Variants in FARS2 observed in about 807,000 individuals in gnomAD.
The protein encoded by FARS2 is phenylalanine--tRNA ligase, mitochondrial.
Under a neutral mutation model 46.4 loss-of-function variants are expected in FARS2, and 40 were observed. The ratio of observed to expected loss-of-function variants is 0.86; its 90% CI spans 0.67 to 1.12. The LOEUF (loss-of-function observed/expected upper bound fraction) is 1.12. Among genes scored for constraint, FARS2 ranks in the 50% most tolerant of loss-of-function variants. The pLI is 0.00. For synonymous variants in FARS2, 234 were observed against 214.9 expected (o/e 1.09, Z -0.78); for missense variants, 513 against 567.9 (o/e 0.90, Z 0.98).
chr6:5,712,834 G>C (rs144906373), intron 6 of FARS2, among the ~76,000 whole-genome samples: 1 of 152,340 alleles, frequency 6.6e-6, no homozygotes, highest in East Asian at 1.9e-4. Context: ...TGGTCACACA[G>C]ACACAGTCAG....
At chr6:5,477,983 G>A (rs1766222458) in intron 4 of FARS2, among the ~76,000 whole-genome samples, 1 of 152,160 alleles carries the variant, frequency 6.6e-6, no homozygotes, top group Admixed American at 6.5e-5. Flanking sequence ...TTGCACCACT[G>A]AACTCCAGCC....
rs1405056432 is a variant in FARS2, at chr6:5,713,501, G to C, written c.1218-57790G>C. ...ACAAAAGGAATAGAGGTCTGGAGAC[G>C]TTGACGCTTAGGAAAATAAATTTAA... is the stretch of plus-strand genomic sequence containing the variant. On this transcript the variant is annotated intron_variant, in intron 6 of 6. Transcript: ENST00000274680. Among the ~76,000 whole-genome samples the C allele has an allele frequency of 2.6e-5, 4 of 152,344 alleles. No homozygotes were observed. The South Asian group carries it at 6.2e-4, about 24-fold the overall frequency.
At chr6:5,450,014 T>C (rs566488805) in intron 4 of FARS2, among the ~76,000 whole-genome samples, 88 of 152,342 alleles carry the variant, frequency 5.8e-4, no homozygotes, top group Middle Eastern at 6.8e-3. Flanking sequence ...GTTGGCCCTC[T>C]GTATACATGG....
intron 3 of FARS2, among the ~76,000 whole-genome samples, chr6:5,416,035 T>C (rs538809516): frequency 5.1e-4 from 78 of 152,340 alleles, no homozygotes; most frequent in Middle Eastern, 3.4e-3. Context: ...TTTTTGAAAC[T>C]GTGAATTTTG....
intron 5 of FARS2, among the ~76,000 whole-genome samples, chr6:5,597,159 T>G (rs1774249313): frequency 6.6e-6 from 1 of 152,232 alleles, no homozygotes; most frequent in South Asian, 2.1e-4. Flanking sequence ...TTCTCCCTAC[T>G]AAGTTTGGCA....
At chr6:5,360,102 G>C (rs1394809862) in intron 1 of FARS2, among the ~76,000 whole-genome samples, 2 of 152,214 alleles carry the variant, frequency 1.3e-5, no homozygotes, top group Non-Finnish European at 2.9e-5. Context: ...AAAAGGGTGT[G>C]AGATGCTCTC....
At chr6:5,482,609 C>T (rs568001756) in intron 4 of FARS2, among the ~76,000 whole-genome samples, 3 of 152,118 alleles carry the variant, frequency 2.0e-5, no homozygotes, top group Non-Finnish European at 1.5e-5. Context: ...GAAGGACACC[C>T]TTATCCCCAG....
chr6:5,703,526 C>T (rs1758566273), intron 6 of FARS2, among the ~76,000 whole-genome samples: 1 of 152,150 alleles, frequency 6.6e-6, no homozygotes, highest in African/African-American at 2.4e-5. Flanking sequence ...TACATTTTAT[C>T]CCACAACTCT....
In FARS2 at chr6:5,749,287, G is replaced by A. The variant is rs186716594; in HGVS notation, c.1218-22004G>A. Among the ~76,000 whole-genome samples, 436 of 152,348 alleles carry A rather than the reference G, an allele frequency of 2.9e-3. 3 individuals are homozygous for A. The highest frequency in any genetic ancestry group is 4.9e-3 in the Non-Finnish European group (336 of 68,026). On this transcript the variant is annotated intron_variant, in intron 6 of 6. Transcript: ENST00000274680. Reference sequence around the variant, plus strand: ...GACAACAGAGTGAGGAAGTGGCTGGGGACAGGCAGGCTGGCTAAGCATTTT... The same window carrying A: ...GACAACAGAGTGAGGAAGTGGCTGGAGACAGGCAGGCTGGCTAAGCATTTT...
chr6:5,728,868 A>T lies in FARS2; in HGVS notation c.1218-42423A>T, dbSNP rs146402711. Among the ~76,000 whole-genome samples, 283 of 152,288 alleles carry T rather than the reference A, an allele frequency of 1.9e-3. 2 individuals are homozygous for T. Among genetic ancestry groups the T allele is most frequent in the African/African-American group, 6.5e-3 (270 of 41,564 alleles). Reference sequence around the variant, plus strand: ...CCCTCGGCAACCCTACGTTGCAGGGACTGCCTGCCCCGAAACCCTGCCTGA... The same window carrying T: ...CCCTCGGCAACCCTACGTTGCAGGGTCTGCCTGCCCCGAAACCCTGCCTGA... On this transcript the variant is annotated intron_variant, in intron 6 of 6. Coordinates refer to ENST00000274680, the MANE Select transcript of FARS2 (RefSeq NM_006567.5).
intron 1 of FARS2, among the ~76,000 whole-genome samples, chr6:5,297,871 C>T (rs1768005096): frequency 1.3e-5 from 2 of 152,220 alleles, no homozygotes; most frequent in Middle Eastern, 3.4e-3. Flanking sequence ...TAATTTAAAG[C>T]AAATATGCGT....
rs887208313 is a variant in FARS2, at chr6:5,469,277, C to T, written c.904+38105C>T. On this transcript the variant is annotated intron_variant, in intron 4 of 6. Coordinates refer to ENST00000274680, the MANE Select transcript of FARS2 (RefSeq NM_006567.5). ...GGTCCACCGAGGTTCCTGTCCTGTGCGTTGCTGCACTGCCTTGACCCCACT... is the reference window on the plus strand; with the variant it reads ...GGTCCACCGAGGTTCCTGTCCTGTGTGTTGCTGCACTGCCTTGACCCCACT... Among the ~76,000 whole-genome samples, 25 of 152,324 alleles carry T rather than the reference C, an allele frequency of 1.6e-4. 1 individual carries two copies. Among genetic ancestry groups the T allele is most frequent in the Admixed American group, 7.2e-4 (11 of 15,302 alleles).
chr6:5,534,473 T>C (rs1250617712), intron 4 of FARS2, among the ~76,000 whole-genome samples: 1 of 152,224 alleles, frequency 6.6e-6, no homozygotes, highest in Non-Finnish European at 1.5e-5. Context: ...TAACCTCTAA[T>C]CTGCTTACTG....
chr6:5,448,352 A>G (rs1317727530), intron 4 of FARS2, among the ~76,000 whole-genome samples: 4 of 150,082 alleles, frequency 2.7e-5, no homozygotes, highest in African/African-American at 9.8e-5. Context: ...GAGTGTGTAC[A>G]CTCTCCCTCC....
In FARS2 at chr6:5,487,601, A is replaced by T. The variant is rs373282055; in HGVS notation, c.904+56429A>T. On this transcript the variant is annotated intron_variant, in intron 4 of 6. Transcript: ENST00000274680. ...TTGCCTGAAGTCGCACGTTTCAGTC[A>T]GTGGCAGAGCCAGATTCAACCCTAG... 8.5e-5 allele frequency among the ~76,000 whole-genome samples: 13 copies of T among 152,336 alleles called. 1 individual carries two copies. In the East Asian group the frequency reaches 1.5e-3, roughly 18 times the overall value.
intron 2 of FARS2, among the ~76,000 whole-genome samples, chr6:5,370,329 A>G (rs1230924524): frequency 6.6e-6 from 1 of 151,882 alleles, no homozygotes; most frequent in African/African-American, 2.4e-5. Flanking sequence ...AGCCTTACAC[A>G]AAAAGGCCAT....
chr6:5,454,020 ATAT>A (rs1384651266), intron 4 of FARS2, among the ~76,000 whole-genome samples: 4 of 152,184 alleles, frequency 2.6e-5, no homozygotes, highest in Non-Finnish European at 4.4e-5. Context: ...AATAGCATCA[ATAT>A]TATTATTATT....
chr6:5,344,030 C>T (rs994482627), intron 1 of FARS2, among the ~76,000 whole-genome samples: 1 of 152,244 alleles, frequency 6.6e-6, no homozygotes, highest in South Asian at 2.1e-4. Flanking sequence ...TCTTCGGAGG[C>T]TTGTTTCTGG....
intron 6 of FARS2, among the ~76,000 whole-genome samples, chr6:5,669,324 C>G (rs1426790858): frequency 6.6e-5 from 10 of 152,040 alleles, no homozygotes; most frequent in Admixed American, 4.6e-4. Context: ...CCCGCAGGTC[C>G]CATAGTAAGC....
Sources: allele counts gnomAD v4.1 joint callset (sites outside exome capture counted in the v4.1 genomes callset), GRCh38; gene constraint gnomAD v4.1.1; transcripts MANE v1.5; gene names NCBI Gene and HGNC (gene_info 2026-07-23, HGNC 2026-07-21).